The following KLHL13 variants were observed in gnomAD, a reference collection of about 807,000 sequenced individuals.
KLHL13 encodes kelch like family member 13, also known as kelch-like protein 13.
In KLHL13, 10 loss-of-function variants were observed where a neutral mutation model predicts 37.1. The observed-to-expected ratio is 0.27, with a 90% CI of 0.17 to 0.46. KLHL13 has a LOEUF of 0.46. Ranked by LOEUF, KLHL13 falls within the 20% of genes least tolerant of loss-of-function variation. The probability of loss-of-function intolerance (pLI) is 1.00; values close to 1 mark genes in which losing one functional copy is unlikely to be tolerated. For missense variants in KLHL13, 360 were observed against 509.3 expected, an observed-to-expected ratio of 0.71 and a Z score of 2.82; for synonymous variants, 163 against 181.2, an observed-to-expected ratio of 0.90 and a Z score of 0.81.
At chrX:117,911,914 A>G (rs1931018213) in intron 4 of KLHL13, among the ~76,000 whole-genome samples, 1 of 112,206 alleles carries the variant, frequency 8.9e-6, no homozygotes, top group South Asian at 3.7e-4. Flanking sequence ...CCTAACACAT[A>G]ACTGTAACAT....
chrX:117,930,852 G>T (rs766123862), intron 2 of KLHL13, among the ~76,000 whole-genome samples: 3 of 111,818 alleles, frequency 2.7e-5, no homozygotes, highest in Non-Finnish European at 5.6e-5. Flanking sequence ...AAAACCACAA[G>T]AATCTAGACT....
At chrX:117,906,252 AAG>A (rs1166231618) in intron 5 of KLHL13, among the ~76,000 whole-genome samples, 1 of 112,015 alleles carries the variant, frequency 8.9e-6, no homozygotes, top group African/African-American at 3.2e-5. Context: ...AAATATAGGC[AAG>A]AGTTTCTTTA....
chrX:118,064,025 T>C (rs1199961910), intron 1 of KLHL13, among the ~76,000 whole-genome samples: 1 of 111,776 alleles, frequency 8.9e-6, no homozygotes, highest in Non-Finnish European at 1.9e-5. Flanking sequence ...TTTAATTGTA[T>C]TGGACAAGGC....
rs746994682 is a variant in KLHL13, at chrX:118,094,448, C to G, written c.-56+22060G>C. 7.9e-4 allele frequency among the ~76,000 whole-genome samples: 88 copies of G among 111,124 alleles called. 3 individuals are homozygous for G. The highest frequency in any genetic ancestry group is 2.8e-4 in the Non-Finnish European group (15 of 52,972). On this transcript the variant is annotated intron_variant, in intron 1 of 6. Coordinates refer to the KLHL13 transcript ENST00000371882. ...CTGAAAGTGACAGGGAGAATGGAAC[C>G]AAGTTGGAAAACACTCTGCAGGATA...
At chrX:117,965,899 G>A (rs1454824702) in intron 1 of KLHL13, among the ~76,000 whole-genome samples, 28 of 111,461 alleles carry the variant, frequency 2.5e-4, no homozygotes, top group Non-Finnish European at 3.0e-4. Context: ...TTGATGGGAT[G>A]TATCTCAAAA....
intron 2 of KLHL13, among the ~76,000 whole-genome samples, chrX:117,936,609 C>T (rs968762204): frequency 3.6e-5 from 4 of 111,243 alleles, no homozygotes; most frequent in Non-Finnish European, 7.5e-5. Flanking sequence ...GTGGGAGACA[C>T]CATGACTCCT....
In KLHL13 at chrX:118,025,914, G is replaced by C. The variant is rs1018203334; in HGVS notation, c.-55-80339C>G. Among the ~76,000 whole-genome samples, 3 of 111,667 alleles carry C rather than the reference G, an allele frequency of 2.7e-5. No individual in the cohort carries two copies. The Admixed American group carries it at 2.9e-4, about 11-fold the overall frequency. ...AAAGTGCTTAGTTAAGATGGAAAAT[G>C]TTTATATTTGTGAGTAGAAGAGATG... is the stretch of plus-strand genomic sequence containing the variant. On this transcript the variant is annotated intron_variant, in intron 1 of 6. Coordinates refer to the KLHL13 transcript ENST00000371882.
chrX:117,975,973 C>T (rs1259576609), upstream of KLHL13, among the ~76,000 whole-genome samples: 3 of 111,579 alleles, frequency 2.7e-5, no homozygotes, highest in Non-Finnish European at 5.7e-5. Flanking sequence ...ATACTTTTGT[C>T]GAATTTCATT....
chrX:117,974,534 A>T (rs1425303862), upstream of KLHL13, among the ~76,000 whole-genome samples: 1 of 111,979 alleles, frequency 8.9e-6, no homozygotes, highest in Non-Finnish European at 1.9e-5. Flanking sequence ...AACACACATG[A>T]ATGTTTCTAC....
At chrX:117,953,929 G>C (rs1262031313) in intron 1 of KLHL13, among the ~76,000 whole-genome samples, 1 of 111,751 alleles carries the variant, frequency 8.9e-6, no homozygotes, top group Non-Finnish European at 1.9e-5. Flanking sequence ...TTATGGGGTA[G>C]GGAGGTAGTA....
chrX:117,903,752 C>T (rs1489979705), intron 5 of KLHL13, among the ~76,000 whole-genome samples: 4 of 110,805 alleles, frequency 3.6e-5, no homozygotes, highest in Non-Finnish European at 7.6e-5. Context: ...CTATCAGAAA[C>T]GGGGTCTAAA....
chrX:117,973,756 C>T (rs115137087), upstream of KLHL13: 856 of 762,144 alleles, frequency 1.1e-3, 7 homozygotes, highest in African/African-American at 0.017. Flanking sequence ...CTCAGAGGGA[C>T]GCTATCAACA....
chrX:117,902,832 C>T (rs949903599), intron 5 of KLHL13, among the ~76,000 whole-genome samples: 3 of 111,008 alleles, frequency 2.7e-5, no homozygotes, highest in African/African-American at 6.5e-5. Context: ...ACACTGCCAA[C>T]TGCTAATCCA....
intron 4 of KLHL13, among the ~76,000 whole-genome samples, chrX:117,915,695 T>G (rs1931301677): frequency 8.9e-6 from 1 of 112,359 alleles, no homozygotes; most frequent in Non-Finnish European, 1.9e-5. Context: ...ATTGTAATCT[T>G]TTGAGTTCAA....
intron 1 of KLHL13, among the ~76,000 whole-genome samples, chrX:118,090,846 C>T (rs1460604061): frequency 9.2e-6 from 1 of 109,266 alleles, no homozygotes; most frequent in East Asian, 2.9e-4. Flanking sequence ...TATAGCGGCA[C>T]TATTCACAAT....
At chrX:117,966,359 G>C (rs1388047501) in intron 1 of KLHL13, among the ~76,000 whole-genome samples, 2 of 110,839 alleles carry the variant, frequency 1.8e-5, no homozygotes, top group African/African-American at 3.3e-5. Context: ...CAAGGGATGT[G>C]AAGGACCTCT....
chrX:118,107,388 C>G (rs1044308520), intron 1 of KLHL13, among the ~76,000 whole-genome samples: 3 of 111,276 alleles, frequency 2.7e-5, no homozygotes, highest in Admixed American at 1.9e-4. Context: ...GATGCACATT[C>G]GAAAAATAGC....
chrX:118,097,455 CCATGCT>C (rs892960332), intron 1 of KLHL13, among the ~76,000 whole-genome samples: 2 of 111,675 alleles, frequency 1.8e-5, no homozygotes, highest in African/African-American at 6.6e-5. Context: ...AAAGAACATT[CCATGCT>C]CATGGGTAGG....
At chrX:118,053,463 G>C (rs1162539365) in intron 1 of KLHL13, among the ~76,000 whole-genome samples, 1 of 110,593 alleles carries the variant, frequency 9.0e-6, no homozygotes, top group African/African-American at 3.3e-5. Flanking sequence ...ACACAGGAAG[G>C]GGAACATCAC....
Sources: gnomAD v4.1 joint callset for allele counts (sites outside exome capture counted in the v4.1 genomes callset) on GRCh38, gnomAD v4.1.1 for gene constraint, MANE v1.5 for transcripts, NCBI Gene and HGNC (gene_info 2026-07-23, HGNC 2026-07-21) for gene names.